The following CC2D2B variants were observed in gnomAD, a reference collection of about 807,000 sequenced individuals.
The protein encoded by CC2D2B is coiled-coil and C2 domain containing 2B.
In CC2D2B, 128 loss-of-function variants were observed where a neutral mutation model predicts 161.2. The observed-to-expected ratio is 0.79, with a 90% CI of 0.69 to 0.92. The LOEUF (loss-of-function observed/expected upper bound fraction) is 0.92. Among genes scored for constraint, CC2D2B ranks in the 40% least tolerant of loss-of-function variants. The pLI, the probability that CC2D2B is intolerant of heterozygous loss-of-function variation, is 0.00. For missense variants in CC2D2B, 1,173 were observed against 1,375.1 expected, an observed-to-expected ratio of 0.85 and a Z score of 2.32; for synonymous variants, 391 against 449.8, an observed-to-expected ratio of 0.87 and a Z score of 1.65.
In CC2D2B at chr10:95,935,068, G is replaced by T. The variant is rs190744848; in HGVS notation, c.337-2923G>T. On this transcript the variant is annotated intron_variant, in intron 6 of 34. Coordinates refer to ENST00000646931, the MANE Select transcript of CC2D2B (RefSeq NM_001349008.3). ...GTATTTTTAGTAGAGATGGGGTTTC[G>T]CTGTGTTGGCCAGGCTGGTCTCAAA... is the stretch of plus-strand genomic sequence containing the variant. Among the ~76,000 whole-genome samples the T allele has an allele frequency of 9.9e-3, 1,511 of 152,072 alleles. 14 individuals carry two copies. Among genetic ancestry groups the T allele is most frequent in the Non-Finnish European group, 0.016 (1,110 of 67,972 alleles).
chr10:95,915,158 T>G (rs972455156), intron 2 of CC2D2B, among the ~76,000 whole-genome samples: 6 of 152,200 alleles, frequency 3.9e-5, no homozygotes, highest in Non-Finnish European at 8.8e-5. Flanking sequence ...GGTATTTAAT[T>G]TGATTTGTAA....
rs189549000 is a variant in CC2D2B, at chr10:96,003,867, C to A, written c.2850-285C>A. 4.3e-3 allele frequency among the ~76,000 whole-genome samples: 652 copies of A among 152,268 alleles called. 2 individuals are homozygous for A. Among genetic ancestry groups the A allele is most frequent in the African/African-American group, 0.015 (610 of 41,542 alleles). The stretch of plus-strand genomic sequence containing the variant: ...ATTTAAGATAGTTGAAAAATCTATA[C>A]AATACTCCAAAGAATCTTTGCAATT... On this transcript the variant is annotated intron_variant, in intron 24 of 34. Coordinates refer to ENST00000646931, the MANE Select transcript of CC2D2B (RefSeq NM_001349008.3).
At chr10:95,943,968 C>T (rs2076109535) in intron 9 of CC2D2B, among the ~76,000 whole-genome samples, 1 of 152,092 alleles carries the variant, frequency 6.6e-6, no homozygotes, top group Admixed American at 6.6e-5. Context: ...TGTTGAGGCT[C>T]ATTCTGTATC....
chr10:96,023,101 C>G (rs934176448), intron 32 of CC2D2B, among the ~76,000 whole-genome samples: 1 of 152,178 alleles, frequency 6.6e-6, no homozygotes, highest in African/African-American at 2.4e-5. Flanking sequence ...GTCCTCAGGG[C>G]AGACAGAAGC....
At chr10:96,013,941 A>T (rs1042176795) in intron 29 of CC2D2B, 64 bp downstream of exon 29, 1 of 762,510 alleles carries the variant, frequency 1.3e-6, no homozygotes, top group Non-Finnish European at 1.9e-6. Flanking sequence ...GAAACCTTTT[A>T]AAAATATTAT....
chr10:95,966,700 A>T (rs569973213), intron 14 of CC2D2B, among the ~76,000 whole-genome samples: 2 of 152,222 alleles, frequency 1.3e-5, no homozygotes, highest in Non-Finnish European at 2.9e-5. Context: ...AAGGCACTGT[A>T]AAAAGTAATA....
At position 95,938,716 on chromosome 10, in the gene CC2D2B, C is replaced by CA. The variant is rs1388530065; in HGVS notation, c.672+12dup. On this transcript the variant is annotated intron_variant, in intron 8 of 34. Transcript: ENST00000646931. ...CTTAAACTAGAAGAGGCAAGTGCAC[C>CA]ACCTAACAAGTTAAAACACTGGCTA... 1.4e-6 allele frequency: 1 copy of CA among 706,698 alleles called. No individual in the cohort carries two copies. The allele number at this position is 706,698 out of a possible 1,614,324, so 43.8% of individuals were successfully genotyped here.
intron 22 of CC2D2B, among the ~76,000 whole-genome samples, chr10:95,993,900 ATGTGTGTGTGTGTG>A (rs1270650458): frequency 5.0e-5 from 2 of 40,078 alleles, no homozygotes; most frequent in South Asian, 1.1e-3. Flanking sequence ...GAGAGAGAGA[ATGTGTGTGTGTGTG>A]TGTGTGTGTG....
chr10:96,022,784 A>G (rs1051370905), intron 32 of CC2D2B: 2 of 152,332 alleles, frequency 1.3e-5, no homozygotes, highest in African/African-American at 4.8e-5. Flanking sequence ...GAAGGGAACA[A>G]GCAAGTGCAG....
chr10:95,987,259 G>C (rs761183516), intron 19 of CC2D2B, among the ~76,000 whole-genome samples: 1 of 152,110 alleles, frequency 6.6e-6, no homozygotes, highest in Non-Finnish European at 1.5e-5. Flanking sequence ...AGGAGGCAGA[G>C]GTTGCAGTGA....
intron 30 of CC2D2B, among the ~76,000 whole-genome samples, chr10:96,016,994 A>G (rs189273785): frequency 2.6e-5 from 4 of 152,218 alleles, no homozygotes; most frequent in African/African-American, 7.2e-5. Flanking sequence ...CTGGGATTAC[A>G]GGCATGAGCC....
At chr10:95,950,663 T>G (rs1406408502) in intron 10 of CC2D2B, 1 of 152,188 alleles carries the variant, frequency 6.6e-6, no homozygotes, top group Non-Finnish European at 1.5e-5. Flanking sequence ...TGATAGTATG[T>G]CTCATTCAAC....
intron 24 of CC2D2B, among the ~76,000 whole-genome samples, chr10:95,997,520 C>T (rs977218743): frequency 9.2e-5 from 14 of 151,930 alleles, no homozygotes; most frequent in African/African-American, 3.1e-4. Flanking sequence ...CCCAAGTAGC[C>T]GAGACTACAG....
chr10:95,939,049 C>A, intron 9 of CC2D2B, 124 bp downstream of exon 9: 1 of 464,634 alleles, frequency 2.2e-6, no homozygotes, highest in Admixed American at 4.0e-5. Flanking sequence ...ATGTCTAAAT[C>A]ATGATGAAAT....
chr10:95,927,299 A>G lies in CC2D2B; in HGVS notation c.303A>G (p.Glu101=). The change falls in exon 6 of 35, where the codon GAA becomes GAG. Residue 101 remains glutamate (E), a synonymous_variant. Coordinates refer to ENST00000646931, the MANE Select transcript of CC2D2B (RefSeq NM_001349008.3). ...ESLSFFILSG[E]EGSALGKSSE... ...TTTCATTTTTCATTCTGAGTGGTGAAGAAGGTTCAGCTTTGGGCAAGTCTT... is the reference window on the plus strand; with the variant it reads ...TTTCATTTTTCATTCTGAGTGGTGAGGAAGGTTCAGCTTTGGGCAAGTCTT... 1 of 1,551,566 alleles carries G rather than the reference A, an allele frequency of 6.4e-7. No homozygotes were observed.
chr10:95,992,228 C>A (rs2077986949), intron 21 of CC2D2B, among the ~76,000 whole-genome samples: 1 of 152,188 alleles, frequency 6.6e-6, no homozygotes, highest in African/African-American at 2.4e-5. Context: ...AATGAATAAT[C>A]TTCCAAAAGA....
chr10:95,997,739 T>C (rs906261902), intron 24 of CC2D2B, among the ~76,000 whole-genome samples: 2 of 152,176 alleles, frequency 1.3e-5, no homozygotes, highest in African/African-American at 4.8e-5. Flanking sequence ...TCTAATTCAG[T>C]AGGTCTGGGG....
Position 95,947,113 on chromosome 10 carries a change from ATTTTTTTTTTT to A in CC2D2B, c.802-2776_802-2766del, listed in dbSNP as rs753866384. Among the ~76,000 whole-genome samples the A allele has an allele frequency of 8.2e-3, 397 of 48,156 alleles. 7 individuals carry two copies. Among genetic ancestry groups the A allele is most frequent in the East Asian group, 0.028 (47 of 1,678 alleles). The allele number at this position is 48,156 out of a possible 152,430, so 31.6% of individuals were successfully genotyped here. On this transcript the variant is annotated intron_variant, in intron 9 of 34. Transcript: ENST00000646931. ...TATATATATATATATATATATATAT[ATTTTTTTTTTT>A]TTTTTTGAGACAAAGTATTGCTCTG...
intron 6 of CC2D2B, among the ~76,000 whole-genome samples, chr10:95,928,654 G>A (rs1303680118): frequency 2.6e-5 from 4 of 152,070 alleles, no homozygotes; most frequent in Non-Finnish European, 4.4e-5. Flanking sequence ...GAGAACATGC[G>A]GTGTTTGGTT....
Sources: allele counts gnomAD v4.1 joint callset (sites outside exome capture counted in the v4.1 genomes callset), GRCh38; gene constraint gnomAD v4.1.1; transcripts MANE v1.5; gene names NCBI Gene and HGNC (gene_info 2026-07-23, HGNC 2026-07-21).